Variants in GLIPR1L1 observed in about 807,000 individuals in gnomAD.
GLIPR1L1 encodes the protein GLIPR1-like protein 1.
GLIPR1L1 carries 26 observed loss-of-function variants against 29.9 expected under a neutral mutation model. That is an observed-to-expected ratio of 0.87 (90% CI 0.64 to 1.21). The LOEUF is 1.21. GLIPR1L1 is among the 50% of genes most tolerant of loss of function. The probability of loss-of-function intolerance (pLI) is 0.00; values close to 1 mark genes in which losing one functional copy is unlikely to be tolerated. For missense variants in GLIPR1L1, 305 were observed against 290.3 expected (o/e 1.05, Z -0.37); for synonymous variants, 77 against 97.5 (o/e 0.79, Z 1.24).
intron 1 of GLIPR1L1, 116 bp from the exon 2 acceptor site, chr12:75,343,577 A>T: frequency 1.2e-6 from 1 of 804,534 alleles, no homozygotes; most frequent in Non-Finnish European, 1.9e-6. Flanking sequence ...TACCAAAGAA[A>T]AACTACATCT....
At chr12:75,338,030 G>A (rs1022780874) in intron 1 of GLIPR1L1, among the ~76,000 whole-genome samples, 3 of 151,964 alleles carry the variant, frequency 2.0e-5, no homozygotes. Context: ...AGAAAATTCA[G>A]GTGAATTCTA....
chr12:75,352,064 C>T lies in GLIPR1L1; in HGVS notation c.521+4342C>T, dbSNP rs139825553. ...TCACTACAAAAAACATGCTGAAGTACACAAACCAACAACACTATGAAGCAA... is the reference window on the plus strand; with the variant it reads ...TCACTACAAAAAACATGCTGAAGTATACAAACCAACAACACTATGAAGCAA... On this transcript the variant is annotated intron_variant, in intron 3 of 5. Transcript: ENST00000378695. Among the ~76,000 whole-genome samples, 17 of 152,256 alleles carry T rather than the reference C, an allele frequency of 1.1e-4. No homozygotes were observed. In the East Asian group the frequency reaches 2.7e-3, roughly 24 times the overall value.
intron 4 of GLIPR1L1, chr12:75,369,588 A>AT (rs1337559462): frequency 5.1e-6 from 5 of 984,792 alleles, no homozygotes; most frequent in East Asian, 1.1e-4. Context: ...ACAGAAATGA[A>AT]TGAGATTGTT....
At chr12:75,361,560 T>A (rs1174815760) in intron 3 of GLIPR1L1, among the ~76,000 whole-genome samples, 4 of 152,172 alleles carry the variant, frequency 2.6e-5, no homozygotes, top group Non-Finnish European at 5.9e-5. Flanking sequence ...TCAGCCTGTT[T>A]TAGCTGAGGA....
At chr12:75,363,047 C>A in intron 3 of GLIPR1L1, 55 bp from the exon 4 acceptor site, 2 of 918,578 alleles carry the variant, frequency 2.2e-6, no homozygotes, top group Non-Finnish European at 3.3e-6. Flanking sequence ...CATGCATGAA[C>A]AAAATTGGAG....
At chr12:75,339,574 G>A (rs1046692961) in intron 1 of GLIPR1L1, among the ~76,000 whole-genome samples, 5 of 152,014 alleles carry the variant, frequency 3.3e-5, no homozygotes, top group African/African-American at 9.7e-5. Context: ...TTCTTTTGCC[G>A]TACAGAAGCT....
intron 3 of GLIPR1L1, among the ~76,000 whole-genome samples, chr12:75,362,292 A>G (rs866869677): frequency 1.3e-5 from 2 of 152,202 alleles, no homozygotes; most frequent in Middle Eastern, 3.2e-3. Flanking sequence ...AAAAATACAA[A>G]TTAAGGTCAC....
chr12:75,357,506 T>G (rs1255613415), intron 3 of GLIPR1L1, among the ~76,000 whole-genome samples: 1 of 151,980 alleles, frequency 6.6e-6, no homozygotes, highest in African/African-American at 2.4e-5. Context: ...CTCAAGCAAC[T>G]TTACCTGATG....
chr12:75,366,321 T>C (rs2043958899), intron 4 of GLIPR1L1, among the ~76,000 whole-genome samples: 2 of 152,278 alleles, frequency 1.3e-5, no homozygotes, highest in South Asian at 4.1e-4. Context: ...AGATTGGATC[T>C]AAACAGTGGG....
intron 2 of GLIPR1L1, among the ~76,000 whole-genome samples, chr12:75,345,746 A>G (rs1212988389): frequency 1.3e-5 from 2 of 152,194 alleles, no homozygotes; most frequent in Admixed American, 1.3e-4. Context: ...CAATATCCCT[A>G]AGATGATATC....
intron 1 of GLIPR1L1, among the ~76,000 whole-genome samples, chr12:75,342,401 C>A (rs756701194): frequency 6.6e-6 from 1 of 151,876 alleles, no homozygotes; most frequent in Admixed American, 6.5e-5. Flanking sequence ...TACACAGGAC[C>A]CCTGTGTATT....
At chr12:75,348,704 G>A (rs951447870) in intron 3 of GLIPR1L1, among the ~76,000 whole-genome samples, 19 of 152,032 alleles carry the variant, frequency 1.2e-4, no homozygotes, top group Non-Finnish European at 7.4e-5. Context: ...ATTTCTTATG[G>A]GTCTTGTGAA....
intron 3 of GLIPR1L1, among the ~76,000 whole-genome samples, chr12:75,349,041 G>A (rs1026793349): frequency 4.6e-5 from 7 of 151,816 alleles, no homozygotes; most frequent in African/African-American, 1.7e-4. Flanking sequence ...TAGAGTTCAC[G>A]GAAAAGAGTA....
chr12:75,336,938 C>G (rs948224321), intron 1 of GLIPR1L1, among the ~76,000 whole-genome samples: 3 of 151,588 alleles, frequency 2.0e-5, no homozygotes, highest in Non-Finnish European at 3.0e-5. Context: ...AAAAAAAAGT[C>G]TTAAACCAGA....
intron 3 of GLIPR1L1, among the ~76,000 whole-genome samples, chr12:75,358,810 ATG>A (rs984551304): frequency 7.6e-5 from 11 of 144,440 alleles, no homozygotes; most frequent in Non-Finnish European, 1.7e-4. Flanking sequence ...TATATTATAT[ATG>A]TTTAAATATA....
intron 1 of GLIPR1L1, among the ~76,000 whole-genome samples, chr12:75,343,101 T>A (rs2042226567): frequency 6.6e-6 from 1 of 151,970 alleles, no homozygotes. Context: ...CTTATACATT[T>A]TATATATTTT....
intron 4 of GLIPR1L1, 125 bp downstream of exon 4, chr12:75,363,315 G>C: frequency 2.4e-6 from 1 of 411,790 alleles, no homozygotes; most frequent in South Asian, 8.7e-5. Flanking sequence ...GTTATCTTAC[G>C]ATATAAATCA....
intron 3 of GLIPR1L1, among the ~76,000 whole-genome samples, chr12:75,358,782 A>C (rs552669827): frequency 3.8e-4 from 55 of 143,870 alleles, no homozygotes; most frequent in African/African-American, 1.3e-3. Context: ...AATATATATA[A>C]TATATAACAA....
intron 1 of GLIPR1L1, among the ~76,000 whole-genome samples, chr12:75,335,778 G>C (rs1234552062): frequency 6.6e-6 from 1 of 152,000 alleles, no homozygotes; most frequent in African/African-American, 2.4e-5. Context: ...ATGCAGAATT[G>C]TTAAGATATT....
Sources: allele counts gnomAD v4.1 joint callset (sites outside exome capture counted in the v4.1 genomes callset), GRCh38; gene constraint gnomAD v4.1.1; transcripts MANE v1.5; gene names NCBI Gene and HGNC (gene_info 2026-07-23, HGNC 2026-07-21).